The following KLHL29 variants were observed in gnomAD, a reference collection of about 807,000 sequenced individuals.
KLHL29 encodes the protein kelch-like protein 29.
Under a neutral mutation model 80.4 loss-of-function variants are expected in KLHL29, and 21 were observed. That is an observed-to-expected ratio of 0.26 (90% CI 0.19 to 0.38). The LOEUF is 0.38. Among genes scored for constraint, KLHL29 ranks in the 10% least tolerant of loss-of-function variants. KLHL29 has a pLI of 1.00. For synonymous variants in KLHL29, 511 were observed against 526.8 expected, an observed-to-expected ratio of 0.97 and a Z score of 0.41; for missense variants, 867 against 1,223.9, an observed-to-expected ratio of 0.71 and a Z score of 4.35.
chr2:23,587,582 G>A (rs1668152006), intron 3 of KLHL29, among the ~76,000 whole-genome samples: 2 of 152,158 alleles, frequency 1.3e-5, no homozygotes, highest in Non-Finnish European at 2.9e-5. Context: ...TCACTCCATT[G>A]GAGGGAACCA....
chr2:23,554,346 G>T (rs1004377835), intron 2 of KLHL29, among the ~76,000 whole-genome samples: 3 of 152,188 alleles, frequency 2.0e-5, no homozygotes, highest in Admixed American at 6.5e-5. Context: ...CCCAAATGAG[G>T]CAATCATACA....
intron 1 of KLHL29, among the ~76,000 whole-genome samples, chr2:23,439,969 G>A (rs1481095784): frequency 6.6e-6 from 1 of 150,934 alleles, no homozygotes; most frequent in Non-Finnish European, 1.5e-5. Context: ...GGTCACTCAG[G>A]ACTTGCTTTA....
chr2:23,425,227 T>G (rs1162552657), intron 1 of KLHL29, among the ~76,000 whole-genome samples: 1 of 152,234 alleles, frequency 6.6e-6, no homozygotes, highest in African/African-American at 2.4e-5. Flanking sequence ...ATGATTTTTT[T>G]TAATTGTAGG....
chr2:23,462,984 TAAAAA>T (rs1253794750), intron 1 of KLHL29, among the ~76,000 whole-genome samples: 2 of 151,682 alleles, frequency 1.3e-5, no homozygotes, highest in Non-Finnish European at 1.5e-5. Context: ...AAAAAATAAA[TAAAAA>T]TAAAATGTTA....
rs530673447 is a variant in KLHL29 at position 23,434,663 on chromosome 2, A to G, written c.-153-40897A>G. ...TGGGGTTTTATATACATTTTCTACA[A>G]AAGAACAAATATTTGGGTCAGATGA... is the stretch of plus-strand genomic sequence containing the variant. On this transcript the variant is annotated intron_variant, in intron 1 of 13. Coordinates refer to ENST00000486442, the MANE Select transcript of KLHL29 (RefSeq NM_052920.2). Among the ~76,000 whole-genome samples the G allele has an allele frequency of 4.6e-5, 7 of 152,324 alleles. No individual in the cohort carries two copies. In the East Asian group the frequency reaches 1.3e-3, roughly 29 times the overall value.
chr2:23,403,720 A>AGTGTGTGT (rs1166505896), intron 1 of KLHL29, among the ~76,000 whole-genome samples: 2 of 140,592 alleles, frequency 1.4e-5, no homozygotes, highest in African/African-American at 5.6e-5. Context: ...AAAGAGAGAG[A>AGTGTGTGT]GAGAGAGTGT....
At chr2:23,698,510 G>A (rs1672133908) in intron 11 of KLHL29, among the ~76,000 whole-genome samples, 1 of 152,166 alleles carries the variant, frequency 6.6e-6, no homozygotes, top group East Asian at 1.9e-4. Context: ...TCCCCAGGAA[G>A]CACTAATGGT....
intron 2 of KLHL29, among the ~76,000 whole-genome samples, chr2:23,561,718 A>G (rs1443620859): frequency 6.6e-6 from 1 of 152,162 alleles, no homozygotes; most frequent in Non-Finnish European, 1.5e-5. Flanking sequence ...GGCTTTGTCC[A>G]CTATAAAGTG....
chr2:23,429,434 A>G (rs574207382), intron 1 of KLHL29, among the ~76,000 whole-genome samples: 1 of 152,278 alleles, frequency 6.6e-6, no homozygotes, highest in East Asian at 1.9e-4. Flanking sequence ...TGTGCTTTCA[A>G]AGTAACATAA....
At chr2:23,671,073 G>A (rs904842657) in intron 5 of KLHL29, among the ~76,000 whole-genome samples, 1 of 148,068 alleles carries the variant, frequency 6.8e-6, no homozygotes, top group East Asian at 2.1e-4. Flanking sequence ...GATGGGATTC[G>A]CAGTGTTCTG....
At chr2:23,405,686 T>C (rs891997784) in intron 1 of KLHL29, among the ~76,000 whole-genome samples, 1 of 152,084 alleles carries the variant, frequency 6.6e-6, no homozygotes, top group African/African-American at 2.4e-5. Flanking sequence ...GAGCAGGAGA[T>C]GGTTTGCTCC....
At chr2:23,694,193 G>A (rs1015713366) in intron 8 of KLHL29, among the ~76,000 whole-genome samples, 3 of 152,196 alleles carry the variant, frequency 2.0e-5, no homozygotes, top group Admixed American at 6.5e-5. Context: ...CTGCAGATCC[G>A]TCTAATTCAC....
At chr2:23,542,575 C>T (rs1666866269) in intron 2 of KLHL29, among the ~76,000 whole-genome samples, 1 of 152,246 alleles carries the variant, frequency 6.6e-6, no homozygotes, top group African/African-American at 2.4e-5. Context: ...AAGCACATGC[C>T]ATCCTCGGGG....
chr2:23,439,726 T>C (rs1261332936), intron 1 of KLHL29, among the ~76,000 whole-genome samples: 2 of 150,900 alleles, frequency 1.3e-5, no homozygotes, highest in African/African-American at 2.4e-5. Context: ...GAGCTTTACT[T>C]CCAAGTATGT....
intron 2 of KLHL29, among the ~76,000 whole-genome samples, chr2:23,478,736 C>A (rs902735900): frequency 1.3e-5 from 2 of 152,128 alleles, no homozygotes; most frequent in Admixed American, 6.5e-5. Flanking sequence ...GGGCAGCATC[C>A]CCTGCCTCCA....
At chr2:23,537,417 TACACACAC>T (rs5741924) in intron 2 of KLHL29, among the ~76,000 whole-genome samples, 2,218 of 149,052 alleles carry the variant, frequency 0.015, 30 homozygotes, top group East Asian at 0.087. Context: ...GGGCAGAAAC[TACACACAC>T]ACACACACAC....
intron 3 of KLHL29, among the ~76,000 whole-genome samples, chr2:23,599,701 A>C (rs902418878): frequency 6.6e-6 from 1 of 152,178 alleles, no homozygotes; most frequent in African/African-American, 2.4e-5. Flanking sequence ...TTGGCACTCA[A>C]TAGCATGCAT....
chr2:23,687,348 T>A (rs1417354279), intron 6 of KLHL29, among the ~76,000 whole-genome samples: 1 of 152,058 alleles, frequency 6.6e-6, no homozygotes, highest in African/African-American at 2.4e-5. Context: ...CTGGGACAGG[T>A]GATGTGTCCA....
rs1478452829 is a variant in KLHL29, at chr2:23,614,769, G to C, written c.286-24370G>C. ...AAGAAAGGAGGTCACTCGGGTCGCTGATCGCTGAGGGAGGAACATTGCAGG... is the reference window on the plus strand; with the variant it reads ...AAGAAAGGAGGTCACTCGGGTCGCTCATCGCTGAGGGAGGAACATTGCAGG... On this transcript the variant is annotated intron_variant, in intron 3 of 13. Transcript: ENST00000486442. Among the ~76,000 whole-genome samples, 5 of 152,324 alleles carry C rather than the reference G, an allele frequency of 3.3e-5. 1 individual carries two copies. In the South Asian group the frequency reaches 1.0e-3, roughly 32 times the overall value.
Sources: gnomAD v4.1 joint callset for allele counts (sites outside exome capture counted in the v4.1 genomes callset) on GRCh38, gnomAD v4.1.1 for gene constraint, MANE v1.5 for transcripts, NCBI Gene and HGNC (gene_info 2026-07-23, HGNC 2026-07-21) for gene names.